Variants in TBX15 observed in about 807,000 individuals in gnomAD.
The protein encoded by TBX15 is T-box transcription factor 15, also known as T-box transcription factor TBX15.
A neutral mutation model predicts 53.9 loss-of-function variants in TBX15; 18 were observed. The ratio of observed to expected loss-of-function variants is 0.33; its 90% CI spans 0.23 to 0.49. The LOEUF is 0.49. Ranked by LOEUF, TBX15 falls within the 20% of genes least tolerant of loss-of-function variation. The pLI is 0.98. For missense variants in TBX15, 692 were observed against 749.5 expected, an observed-to-expected ratio of 0.92 and a Z score of 0.90; for synonymous variants, 295 against 278.0, an observed-to-expected ratio of 1.06 and a Z score of -0.61.
chr1:118,982,504 A>G (rs915243653), intron 1 of TBX15, among the ~76,000 whole-genome samples: 3 of 152,198 alleles, frequency 2.0e-5, no homozygotes, highest in Non-Finnish European at 4.4e-5. Context: ...GTGGCCTAAT[A>G]TGAGGGTTAA....
At chr1:118,899,155 C>A (rs1571155916) in intron 6 of TBX15, 30 bp from the exon 7 acceptor site, 2 of 1,599,092 alleles carry the variant, frequency 1.3e-6, no homozygotes, top group East Asian at 4.5e-5. Flanking sequence ...CAAAGGAAGT[C>A]ATAAATAATT....
At chr1:118,909,999 G>A (rs954168382) in intron 6 of TBX15, among the ~76,000 whole-genome samples, 12 of 152,156 alleles carry the variant, frequency 7.9e-5, no homozygotes, top group Non-Finnish European at 1.6e-4. Flanking sequence ...GGCTACACTC[G>A]GATGGTTCTG....
chr1:118,935,278 G>T (rs1655933404), intron 1 of TBX15, among the ~76,000 whole-genome samples: 1 of 152,116 alleles, frequency 6.6e-6, no homozygotes, highest in Non-Finnish European at 1.5e-5. Flanking sequence ...AGTCATGGAA[G>T]AAACACACAG....
intron 5 of TBX15, among the ~76,000 whole-genome samples, chr1:118,920,725 A>G (rs1655398246): frequency 6.6e-6 from 1 of 152,186 alleles, no homozygotes; most frequent in South Asian, 2.1e-4. Context: ...ATTGGAAGCT[A>G]TCATAAGAAC....
intron 6 of TBX15, among the ~76,000 whole-genome samples, chr1:118,900,772 A>G (rs996174553): frequency 1.3e-5 from 2 of 152,198 alleles, no homozygotes; most frequent in African/African-American, 4.8e-5. Context: ...GGGGATAGGC[A>G]GATAAAGCCA....
At chr1:118,974,966 C>T (rs1344042931) in intron 1 of TBX15, among the ~76,000 whole-genome samples, 1 of 152,154 alleles carries the variant, frequency 6.6e-6, no homozygotes, top group Non-Finnish European at 1.5e-5. Context: ...TAGAAATGCA[C>T]GAATTGCCCG....
intron 7 of TBX15, among the ~76,000 whole-genome samples, chr1:118,891,877 T>G (rs1262538671): frequency 6.6e-6 from 1 of 152,232 alleles, no homozygotes; most frequent in East Asian, 1.9e-4. Flanking sequence ...AATGAGTTTC[T>G]TTTTTGCTTT....
At chr1:118,955,145 G>A (rs1038874042) in intron 1 of TBX15, among the ~76,000 whole-genome samples, 1 of 152,168 alleles carries the variant, frequency 6.6e-6, no homozygotes, top group African/African-American at 2.4e-5. Context: ...TGGAAGATCA[G>A]TTAGCCCACA....
chr1:118,936,465 G>A (rs1032262881), intron 1 of TBX15, among the ~76,000 whole-genome samples: 4 of 151,894 alleles, frequency 2.6e-5, no homozygotes, highest in African/African-American at 4.8e-5. Flanking sequence ...ATCAGCAGTG[G>A]GATCTTTAAA....
intron 6 of TBX15, among the ~76,000 whole-genome samples, chr1:118,905,871 T>C (rs1571161678): frequency 1.3e-5 from 2 of 152,300 alleles, no homozygotes; most frequent in South Asian, 4.1e-4. Flanking sequence ...GCTCACTACA[T>C]GAGTCTTCAG....
At chr1:118,936,882 T>C (rs1655989157) in intron 1 of TBX15, among the ~76,000 whole-genome samples, 1 of 152,194 alleles carries the variant, frequency 6.6e-6, no homozygotes, top group South Asian at 2.1e-4. Context: ...TCACCAAATA[T>C]TTCTGCTTTG....
At chr1:118,900,334 A>G (rs1314615296) in intron 6 of TBX15, among the ~76,000 whole-genome samples, 1 of 152,228 alleles carries the variant, frequency 6.6e-6, no homozygotes, top group African/African-American at 2.4e-5. Flanking sequence ...ATGTATTTCC[A>G]GAGTTCTCTT....
At chr1:118,913,631 G>A (rs1414280567) in intron 6 of TBX15, among the ~76,000 whole-genome samples, 3 of 152,128 alleles carry the variant, frequency 2.0e-5, no homozygotes, top group Non-Finnish European at 4.4e-5. Context: ...TCTAAAGCAG[G>A]AAGCATCTGA....
intron 5 of TBX15, among the ~76,000 whole-genome samples, chr1:118,922,177 C>G (rs1404386787): frequency 6.6e-6 from 1 of 152,112 alleles, no homozygotes; most frequent in East Asian, 1.9e-4. Flanking sequence ...CATCTTGATC[C>G]CAAAATGGGC....
chr1:118,901,950 T>G (rs1654644437), intron 6 of TBX15, among the ~76,000 whole-genome samples: 1 of 152,076 alleles, frequency 6.6e-6, no homozygotes, highest in African/African-American at 2.4e-5. Context: ...ATCAGTTTGG[T>G]AGTGGAATTG....
At chr1:118,950,164 A>C (rs1432145605) in intron 1 of TBX15, among the ~76,000 whole-genome samples, 3 of 152,222 alleles carry the variant, frequency 2.0e-5, no homozygotes, top group African/African-American at 7.2e-5. Context: ...AAATTGTAAA[A>C]GACTGCTCTT....
intron 1 of TBX15, among the ~76,000 whole-genome samples, chr1:118,942,668 C>T (rs952137880): frequency 2.6e-5 from 4 of 152,118 alleles, no homozygotes; most frequent in African/African-American, 4.8e-5. Context: ...AGGTCTGACC[C>T]GAAATCTTTC....
chr1:118,953,120 C>T (rs1656571519), intron 1 of TBX15, among the ~76,000 whole-genome samples: 1 of 150,846 alleles, frequency 6.6e-6, no homozygotes. Context: ...ACAGTATTCT[C>T]TTTAAGATTT....
intron 1 of TBX15, among the ~76,000 whole-genome samples, chr1:118,984,833 C>A (rs1018885196): frequency 6.6e-6 from 1 of 152,154 alleles, no homozygotes; most frequent in Non-Finnish European, 1.5e-5. Context: ...GCCTACAACG[C>A]GCAGGCCGGA....
Sources: allele counts gnomAD v4.1 joint callset (sites outside exome capture counted in the v4.1 genomes callset), GRCh38; gene constraint gnomAD v4.1.1; transcripts MANE v1.5; gene names NCBI Gene and HGNC (gene_info 2026-07-23, HGNC 2026-07-21).